The following VPS35L variants were observed in gnomAD, a reference collection of about 807,000 sequenced individuals.
The protein encoded by VPS35L is VPS35 endosomal protein sorting factor like.
Under a neutral mutation model 133.0 loss-of-function variants are expected in VPS35L, and 83 were observed. That is an observed-to-expected ratio of 0.62 (90% confidence interval 0.52 to 0.75). VPS35L has a LOEUF of 0.75. Ranked by LOEUF, VPS35L falls within the 30% of genes least tolerant of loss-of-function variation. VPS35L has a pLI of 0.00. For missense variants in VPS35L, 1,083 were observed against 1,206.8 expected (o/e 0.90, Z 1.52); for synonymous variants, 423 against 449.9 (o/e 0.94, Z 0.76).
chr16:19,573,464 G>T, intron 4 of VPS35L: 1 of 428,042 alleles, frequency 2.3e-6, no homozygotes, highest in Non-Finnish European at 4.2e-6. Context: ...TCAGGGATGT[G>T]GCACAGGCCA....
At chr16:19,610,534 G>T in intron 12 of VPS35L, 119 bp downstream of exon 12, 1 of 620,014 alleles carries the variant, frequency 1.6e-6, no homozygotes, top group South Asian at 2.8e-5. Context: ...CTTTATTAGT[G>T]GCTAATTTTA....
At chr16:19,629,561 A>G (rs977122568) in intron 17 of VPS35L, among the ~76,000 whole-genome samples, 3 of 152,248 alleles carry the variant, frequency 2.0e-5, no homozygotes, top group African/African-American at 7.2e-5. Context: ...TATAGTGGGC[A>G]TCCAAAATAT....
intron 1 of VPS35L, among the ~76,000 whole-genome samples, chr16:19,559,877 C>T (rs1255410930): frequency 1.3e-5 from 2 of 151,946 alleles, no homozygotes; most frequent in South Asian, 2.1e-4. Flanking sequence ...CTAGTAGAAA[C>T]GGGTTTTGCC....
At chr16:19,635,744 C>T (rs1973603670) in intron 19 of VPS35L, among the ~76,000 whole-genome samples, 1 of 152,032 alleles carries the variant, frequency 6.6e-6, no homozygotes, top group Admixed American at 6.6e-5. Flanking sequence ...TCATATAGTT[C>T]AGGGAAAAAA....
intron 7 of VPS35L, among the ~76,000 whole-genome samples, chr16:19,586,635 C>T (rs1041209179): frequency 6.6e-6 from 1 of 152,190 alleles, no homozygotes; most frequent in African/African-American, 2.4e-5. Flanking sequence ...CCACCGTGCC[C>T]AGTCAGAAGT....
intron 22 of VPS35L, among the ~76,000 whole-genome samples, chr16:19,643,522 C>A (rs148303999): frequency 2.6e-4 from 39 of 152,280 alleles, no homozygotes; most frequent in African/African-American, 8.9e-4. Context: ...ACGTTCCAGC[C>A]TGTGGGCATT....
chr16:19,693,278 T>C (rs1328518288), intron 29 of VPS35L, among the ~76,000 whole-genome samples: 1 of 146,210 alleles, frequency 6.8e-6, no homozygotes, highest in Admixed American at 6.7e-5. Context: ...TATGTGGATG[T>C]GTGTGTTGCG....
chr16:19,621,298 CAGT>C (rs1491003164), intron 14 of VPS35L, among the ~76,000 whole-genome samples: 2 of 152,158 alleles, frequency 1.3e-5, no homozygotes, highest in African/African-American at 4.8e-5. Context: ...AAAGTGTTGA[CAGT>C]GGTGATTTCT....
At chr16:19,653,713 G>A (rs931884672) in intron 26 of VPS35L, among the ~76,000 whole-genome samples, 4 of 152,206 alleles carry the variant, frequency 2.6e-5, no homozygotes, top group Non-Finnish European at 5.9e-5. Flanking sequence ...CTCACCACTT[G>A]TTGCCATTGT....
chr16:19,564,513 G>A lies in VPS35L; in HGVS notation c.18-338G>A, dbSNP rs181268604. On this transcript the variant is annotated intron_variant, in intron 1 of 30. Coordinates refer to ENST00000417362, the MANE Select transcript of VPS35L (RefSeq NM_020314.7). The stretch of plus-strand genomic sequence containing the variant: ...TCCCAGGTTCAAGCGATTCTTCTGC[G>A]TCAGCCTCCCAAGTAGCTGGGATTA... Among the ~76,000 whole-genome samples, 910 of 151,162 alleles carry A rather than the reference G, an allele frequency of 6.0e-3. 6 individuals carry two copies. The highest frequency in any genetic ancestry group is 0.017 in the Middle Eastern group (5 of 288).
chr16:19,570,834 CATATATATATATATATATATATA>C (rs1971340842), intron 3 of VPS35L, among the ~76,000 whole-genome samples: 2 of 78,806 alleles, frequency 2.5e-5, no homozygotes, highest in African/African-American at 7.8e-5. Context: ...TGCTGTGTTT[CATATATATATATATATATATATA>C]TATATATATA....
chr16:19,681,930 A>C (rs1975294241), intron 27 of VPS35L, among the ~76,000 whole-genome samples: 1 of 152,104 alleles, frequency 6.6e-6, no homozygotes, highest in Non-Finnish European at 1.5e-5. Context: ...GTAATTTTGG[A>C]AACAGGCCAT....
At chr16:19,580,044 A>G (rs966780428) in intron 6 of VPS35L, among the ~76,000 whole-genome samples, 17 of 151,150 alleles carry the variant, frequency 1.1e-4, no homozygotes, top group African/African-American at 4.1e-4. Flanking sequence ...TACTAAAAAT[A>G]CAAAAATTAG....
At chr16:19,630,191 C>T (rs976426271) in intron 18 of VPS35L, among the ~76,000 whole-genome samples, 5 of 152,030 alleles carry the variant, frequency 3.3e-5, no homozygotes, top group African/African-American at 7.2e-5. Flanking sequence ...GCAAATATTT[C>T]TTTCCCTAGG....
At chr16:19,618,966 T>A (rs565907905) in intron 14 of VPS35L, among the ~76,000 whole-genome samples, 1 of 151,154 alleles carries the variant, frequency 6.6e-6, no homozygotes, top group Non-Finnish European at 1.5e-5. Flanking sequence ...AGTCTCACTC[T>A]GTCTCCCAGG....
intron 22 of VPS35L, among the ~76,000 whole-genome samples, chr16:19,643,958 C>CAAAACA (rs897237986): frequency 2.0e-5 from 3 of 151,874 alleles, no homozygotes; most frequent in Non-Finnish European, 4.4e-5. Context: ...AACTCCATCT[C>CAAAACA]AAAACAAAAA....
intron 28 of VPS35L, among the ~76,000 whole-genome samples, chr16:19,691,003 A>G (rs528597923): frequency 3.3e-5 from 5 of 152,150 alleles, no homozygotes; most frequent in African/African-American, 1.2e-4. Context: ...ATGTCTTCAC[A>G]TACTGGTTGT....
chr16:19,691,182 T>G (rs768203569), intron 28 of VPS35L, among the ~76,000 whole-genome samples, 171 bp from the exon 29 acceptor site: 8 of 152,160 alleles, frequency 5.3e-5, no homozygotes, highest in Non-Finnish European at 1.2e-4. Flanking sequence ...GGTGTTTTCT[T>G]TGTGATTCCC....
At chr16:19,644,561 C>A (rs8052464) in intron 22 of VPS35L, among the ~76,000 whole-genome samples, 4 of 151,980 alleles carry the variant, frequency 2.6e-5, no homozygotes, top group African/African-American at 9.7e-5. Context: ...ATAAAATATT[C>A]AATGAAATTT....
Sources: allele counts gnomAD v4.1 joint callset (sites outside exome capture counted in the v4.1 genomes callset), GRCh38; gene constraint gnomAD v4.1.1; transcripts MANE v1.5; gene names NCBI Gene and HGNC (gene_info 2026-07-23, HGNC 2026-07-21).